The following PDE1C variants were observed in gnomAD, a reference collection of about 807,000 sequenced individuals.
The protein encoded by PDE1C is phosphodiesterase 1C.
Under a neutral mutation model 93.1 loss-of-function variants are expected in PDE1C, and 62 were observed. That is an observed-to-expected ratio of 0.67 (90% CI 0.54 to 0.82). The LOEUF is 0.82. Among genes scored for constraint, PDE1C ranks in the 40% least tolerant of loss-of-function variants. PDE1C has a pLI of 0.00. For missense variants in PDE1C, 742 were observed against 884.6 expected (o/e 0.84, Z 2.04); for synonymous variants, 325 against 310.1 (o/e 1.05, Z -0.50).
At chr7:31,894,946 G>C (rs553151505) in intron 2 of PDE1C, among the ~76,000 whole-genome samples, 5 of 152,312 alleles carry the variant, frequency 3.3e-5, no homozygotes, top group African/African-American at 4.8e-5. Context: ...GGAGAGAATG[G>C]ATAGCTGGGG....
At chr7:32,058,456 C>T (rs1794389556) in intron 1 of PDE1C, among the ~76,000 whole-genome samples, 1 of 152,160 alleles carries the variant, frequency 6.6e-6, no homozygotes, top group Admixed American at 6.5e-5. Context: ...CACAAATAAC[C>T]ATGAAATGAG....
intron 17 of PDE1C, among the ~76,000 whole-genome samples, chr7:31,770,892 C>T (rs1584000999): frequency 6.6e-6 from 1 of 152,170 alleles, no homozygotes; most frequent in East Asian, 1.9e-4. Context: ...CAGGACTATC[C>T]TCCAACATTA....
chr7:32,309,804 T>C (rs1239507800), intron 1 of PDE1C, among the ~76,000 whole-genome samples: 2 of 152,052 alleles, frequency 1.3e-5, no homozygotes, highest in African/African-American at 4.8e-5. Context: ...CATGCCAAAA[T>C]GTAAAGACCA....
At chr7:31,696,610 G>A in the PDE1C span, among the ~76,000 whole-genome samples, 1 of 152,178 alleles carries the variant, frequency 6.6e-6, no homozygotes, top group Non-Finnish European at 1.5e-5. Context: ...ATGAGATTTG[G>A]AGGCAGAAAA....
intron 1 of PDE1C, among the ~76,000 whole-genome samples, chr7:32,262,443 C>T (rs1810280189): frequency 6.6e-6 from 1 of 152,170 alleles, no homozygotes; most frequent in Non-Finnish European, 1.5e-5. Flanking sequence ...AGACAGGTTC[C>T]TCTGAGGAGC....
At chr7:32,076,547 G>A (rs1796364139) in intron 3 of PDE1C, among the ~76,000 whole-genome samples, 4 of 151,090 alleles carry the variant, frequency 2.6e-5, no homozygotes. Flanking sequence ...GAAGGCTAAG[G>A]CACAAGAATT....
the PDE1C span, among the ~76,000 whole-genome samples, chr7:31,702,205 TTA>T: frequency 2.1e-3 from 259 of 125,176 alleles, 2 homozygotes; most frequent in African/African-American, 8.1e-3. Context: ...TCACCCTTAT[TTA>T]TTTTTTTTTT....
chr7:31,667,744 G>A, the PDE1C span, among the ~76,000 whole-genome samples: 4 of 152,018 alleles, frequency 2.6e-5, no homozygotes, highest in African/African-American at 9.7e-5. Flanking sequence ...ATCGAGGTAG[G>A]ATGGCTCTGT....
intron 1 of PDE1C, among the ~76,000 whole-genome samples, chr7:32,312,208 A>G (rs1160947030): frequency 6.6e-6 from 1 of 152,214 alleles, no homozygotes; most frequent in African/African-American, 2.4e-5. Context: ...GGGATGTGAA[A>G]GACCTCTTCA....
In PDE1C at chr7:31,847,752, T is replaced by G. The variant is rs2128794425; in HGVS notation, c.980+216A>C. On this transcript the variant is annotated intron_variant, in intron 9 of 17. Transcript: ENST00000396191. ...ACTTAATCATAACATTCCATAGCCT[T>G]TATTTATAAATATTTGAATATCTGT... is the stretch of plus-strand genomic sequence containing the variant. The G allele has an allele frequency of 1.4e-5, 7 of 498,956 alleles. 1 individual carries two copies. The South Asian group carries it at 1.6e-4, about 12-fold the overall frequency. 30.9% of individuals were successfully genotyped at this position (498,956 alleles called of 1,614,324 possible). A position where few individuals can be genotyped will look rare whatever the true frequency, so the allele number is the denominator to read the frequency against.
chr7:31,933,824 T>C (rs1439217056), intron 2 of PDE1C, among the ~76,000 whole-genome samples: 2 of 152,186 alleles, frequency 1.3e-5, no homozygotes, highest in African/African-American at 4.8e-5. Flanking sequence ...TTCTTCTGCC[T>C]TGAATGAAAG....
At chr7:32,296,564 C>T (rs1812615423) in intron 1 of PDE1C, among the ~76,000 whole-genome samples, 1 of 152,128 alleles carries the variant, frequency 6.6e-6, no homozygotes, top group Admixed American at 6.5e-5. Flanking sequence ...TTGGAAGCGA[C>T]CAGCTCATTT....
At chr7:32,359,578 T>TA (rs1784096310) in intron 1 of PDE1C, among the ~76,000 whole-genome samples, 1 of 152,264 alleles carries the variant, frequency 6.6e-6, no homozygotes. Flanking sequence ...ATTGAGTGAA[T>TA]AAACACATGC....
At chr7:31,865,544 C>G (rs554228808) in intron 6 of PDE1C, among the ~76,000 whole-genome samples, 1 of 152,098 alleles carries the variant, frequency 6.6e-6, no homozygotes, top group African/African-American at 2.4e-5. Flanking sequence ...CTGAGGAATT[C>G]AAAAATAATA....
chr7:32,375,823 G>A (rs1341996620), intron 1 of PDE1C, among the ~76,000 whole-genome samples: 3 of 152,326 alleles, frequency 2.0e-5, no homozygotes, highest in African/African-American at 2.4e-5. Context: ...TTACATAAGG[G>A]ATGAATTCTT....
At chr7:32,133,151 A>T (rs1375987562) in intron 3 of PDE1C, among the ~76,000 whole-genome samples, 1 of 152,176 alleles carries the variant, frequency 6.6e-6, no homozygotes, top group Non-Finnish European at 1.5e-5. Context: ...CAAAGTAAAG[A>T]TATAAATTTG....
chr7:32,108,104 C>T (rs1028799322), intron 3 of PDE1C, among the ~76,000 whole-genome samples: 1 of 150,624 alleles, frequency 6.6e-6, no homozygotes, highest in Non-Finnish European at 1.5e-5. Flanking sequence ...AGAAGGGAGA[C>T]TTATAGAAAA....
chr7:32,155,992 C>A (rs1451053532), intron 3 of PDE1C, among the ~76,000 whole-genome samples: 3 of 152,132 alleles, frequency 2.0e-5, no homozygotes, highest in Admixed American at 1.3e-4. Context: ...GATGATTCAC[C>A]CAAACTCCTT....
At chr7:31,647,506 A>G in the PDE1C span, among the ~76,000 whole-genome samples, 1 of 11,704 alleles carries the variant, frequency 8.5e-5, no homozygotes, top group African/African-American at 3.6e-4. Context: ...CATTAAAACT[A>G]CAAAAAAAAA....
Sources: allele counts gnomAD v4.1 joint callset (sites outside exome capture counted in the v4.1 genomes callset), GRCh38; gene constraint gnomAD v4.1.1; transcripts MANE v1.5; gene names NCBI Gene and HGNC (gene_info 2026-07-23, HGNC 2026-07-21).